ANKRD11: variants seen among roughly 807,000 people sequenced by gnomAD.
The protein encoded by ANKRD11 is ankyrin repeat domain-containing protein 11.
Under a neutral mutation model 195.7 loss-of-function variants are expected in ANKRD11, and 17 were observed. The ratio of observed to expected loss-of-function variants is 0.09; its 90% CI spans 0.06 to 0.13. ANKRD11 has a LOEUF of 0.13. ANKRD11 is among the 10% of genes least tolerant of loss of function. The pLI is 1.00. For synonymous variants in ANKRD11, 1,953 were observed against 1,528.1 expected (o/e 1.28, Z -6.49); for missense variants, 3,735 against 3,566.1 (o/e 1.05, Z -1.21).
At chr16:89,350,253 C>T (rs1227961001) in intron 2 of ANKRD11, among the ~76,000 whole-genome samples, 2 of 152,182 alleles carry the variant, frequency 1.3e-5, no homozygotes, top group African/African-American at 4.8e-5. Context: ...TGAGTGGTCA[C>T]TTTGGAAAAG....
rs550677073 is a variant in ANKRD11, at chr16:89,466,179, C to G, written c.-145+24066G>C. Among the ~76,000 whole-genome samples the G allele has an allele frequency of 1.4e-4, 21 of 152,106 alleles. No homozygotes were observed. The South Asian group carries it at 3.7e-3, about 27-fold the overall frequency. On this transcript the variant is annotated intron_variant, in intron 1 of 12. Transcript: ENST00000301030. The stretch of plus-strand genomic sequence containing the variant: ...ACACCAGAGCGCATGCAGCCCACCC[C>G]CTACAAGCAACGAGCCCCCACCTGC...
chr16:89,405,408 C>T lies in ANKRD11; in HGVS notation c.-60+12876G>A, dbSNP rs145234762. On this transcript the variant is annotated intron_variant, in intron 2 of 12. Transcript: ENST00000301030. ...GTGTGATATGAGCTCACCGTAGCCT[C>T]GACCTCCTGGGCTCAGGCGATCCTC... is the stretch of plus-strand genomic sequence containing the variant. 5.0e-3 allele frequency among the ~76,000 whole-genome samples: 765 copies of T among 151,708 alleles called. 4 individuals carry two copies. The highest frequency in any genetic ancestry group is 0.018 in the African/African-American group (742 of 41,296).
At chr16:89,312,588 CTT>C (rs2036669623) in intron 3 of ANKRD11, among the ~76,000 whole-genome samples, 1 of 152,210 alleles carries the variant, frequency 6.6e-6, no homozygotes, top group African/African-American at 2.4e-5. Flanking sequence ...GCTCTATGTC[CTT>C]TTCTGCCTTA....
At chr16:89,334,716 A>T (rs2038257798) in intron 2 of ANKRD11, among the ~76,000 whole-genome samples, 1 of 152,110 alleles carries the variant, frequency 6.6e-6, no homozygotes, top group African/African-American at 2.4e-5. Context: ...TGAGCAGCAC[A>T]GGCCGCCAAC....
intron 1 of ANKRD11, among the ~76,000 whole-genome samples, chr16:89,480,257 A>C (rs2057401387): frequency 6.6e-6 from 1 of 152,102 alleles, no homozygotes. Flanking sequence ...CGGGTGGATC[A>C]CAAGGTCAGG....
chr16:89,286,932 CTT>C (rs1234229328), intron 7 of ANKRD11: 7 of 1,289,700 alleles, frequency 5.4e-6, no homozygotes, highest in African/African-American at 1.5e-5. Flanking sequence ...ACTATAGACT[CTT>C]GTCGCCCACA....
chr16:89,326,593 T>C (rs2037737126), intron 2 of ANKRD11, among the ~76,000 whole-genome samples: 1 of 151,890 alleles, frequency 6.6e-6, no homozygotes, highest in Non-Finnish European at 1.5e-5. Flanking sequence ...TATCAAAAAA[T>C]TAATCAGTCG....
chr16:89,380,280 T>C (rs915853941), intron 2 of ANKRD11, among the ~76,000 whole-genome samples: 4 of 152,148 alleles, frequency 2.6e-5, no homozygotes, highest in African/African-American at 9.7e-5. Context: ...GCCTGGCTAA[T>C]TCTGTATTTT....
intron 3 of ANKRD11, among the ~76,000 whole-genome samples, chr16:89,308,713 A>C (rs1174584612): frequency 1.3e-5 from 2 of 151,238 alleles, no homozygotes; most frequent in African/African-American, 4.9e-5. Context: ...TTCGTAATAC[A>C]AAAAAAATGA....
intron 1 of ANKRD11, among the ~76,000 whole-genome samples, chr16:89,452,438 G>A (rs549738708): frequency 7.2e-5 from 11 of 152,228 alleles, no homozygotes; most frequent in Middle Eastern, 3.4e-3. Flanking sequence ...CCCTGGGCGT[G>A]ATTAAAACTA....
intron 2 of ANKRD11, among the ~76,000 whole-genome samples, chr16:89,374,334 T>C (rs2040324687): frequency 6.7e-6 from 1 of 148,436 alleles, no homozygotes; most frequent in South Asian, 2.1e-4. Flanking sequence ...CCATGTGTTT[T>C]TGTAAAAAAA....
intron 2 of ANKRD11, chr16:89,323,933 T>C: frequency 4.6e-6 from 1 of 218,984 alleles, no homozygotes; most frequent in South Asian, 6.0e-5. Flanking sequence ...AGAATCTCTT[T>C]GCTACGGTTT....
chr16:89,386,918 G>A (rs560190300), intron 2 of ANKRD11, among the ~76,000 whole-genome samples: 32 of 151,772 alleles, frequency 2.1e-4, no homozygotes, highest in Non-Finnish European at 3.2e-4. Context: ...AGCTCCCCAC[G>A]CCTCGACCAC....
intron 1 of ANKRD11, among the ~76,000 whole-genome samples, chr16:89,456,957 CTTTTTTT>C (rs56161810): frequency 2.9e-5 from 4 of 138,228 alleles, no homozygotes; most frequent in Non-Finnish European, 4.7e-5. Context: ...TTATGTGAGT[CTTTTTTT>C]TTTTTTTTTT....
chr16:89,324,423 T>A (rs1468348669), intron 2 of ANKRD11: 1 of 483,196 alleles, frequency 2.1e-6, no homozygotes, highest in South Asian at 1.5e-5. Context: ...AAATGCAAAC[T>A]AAAACCAAGG....
intron 1 of ANKRD11, among the ~76,000 whole-genome samples, chr16:89,488,577 C>G (rs2057699703): frequency 6.6e-6 from 1 of 152,028 alleles, no homozygotes; most frequent in Non-Finnish European, 1.5e-5. Flanking sequence ...TCAGAGAAAC[C>G]AAAGAAACAG....
intron 11 of ANKRD11, among the ~76,000 whole-genome samples, chr16:89,273,589 C>A (rs567448028): frequency 6.6e-6 from 1 of 151,742 alleles, no homozygotes; most frequent in Non-Finnish European, 1.5e-5. Flanking sequence ...CCCAGCTACT[C>A]GGGAGGCTGA....
chr16:89,429,288 A>G (rs1318440807), intron 1 of ANKRD11, among the ~76,000 whole-genome samples: 1 of 83,260 alleles, frequency 1.2e-5, no homozygotes, highest in Non-Finnish European at 2.6e-5. Flanking sequence ...ACGTTCTAGT[A>G]CACAGCAGGT....
chr16:89,378,546 A>G (rs1338086891), intron 2 of ANKRD11, among the ~76,000 whole-genome samples: 1 of 152,238 alleles, frequency 6.6e-6, no homozygotes, highest in East Asian at 1.9e-4. Flanking sequence ...ACGTGCTATA[A>G]GGCTACAGAT....
Sources: gnomAD v4.1 joint callset for allele counts (sites outside exome capture counted in the v4.1 genomes callset) on GRCh38, gnomAD v4.1.1 for gene constraint, MANE v1.5 for transcripts, NCBI Gene and HGNC (gene_info 2026-07-23, HGNC 2026-07-21) for gene names.